The following RAD51C variants were observed in gnomAD, a reference collection of about 807,000 sequenced individuals.
The protein encoded by RAD51C is DNA repair protein RAD51 homolog 3.
Under a neutral mutation model 45.0 loss-of-function variants are expected in RAD51C, and 42 were observed. That is an observed-to-expected ratio of 0.93 (90% CI 0.73 to 1.21). The LOEUF is 1.21. Ranked by LOEUF, RAD51C falls within the 50% of genes most tolerant of loss-of-function variation. The pLI is 0.00. For synonymous variants in RAD51C, 172 were observed against 159.8 expected (o/e 1.08, Z -0.58); for missense variants, 474 against 452.2 (o/e 1.05, Z -0.44).
chr17:58,727,980 C>T (rs1039275165), intron 7 of RAD51C, among the ~76,000 whole-genome samples: 2 of 150,908 alleles, frequency 1.3e-5, no homozygotes, highest in African/African-American at 4.9e-5. Context: ...CAGTGGCTGA[C>T]ACCTGTAATC....
intron 5 of RAD51C, among the ~76,000 whole-genome samples, chr17:58,712,010 G>A (rs533421415): frequency 6.6e-6 from 1 of 151,642 alleles, no homozygotes; most frequent in Admixed American, 6.6e-5. Flanking sequence ...AGACCAGCCT[G>A]AACAACAAAG....
intron 4 of RAD51C, among the ~76,000 whole-genome samples, chr17:58,709,485 A>C (rs2048480052): frequency 6.6e-6 from 1 of 152,172 alleles, no homozygotes; most frequent in African/African-American, 2.4e-5. Flanking sequence ...TTTCCAAAAG[A>C]AAGCCATACT....
At chr17:58,694,808 C>A in intron 1 of RAD51C, 123 bp from the exon 2 acceptor site, 1 of 978,404 alleles carries the variant, frequency 1.0e-6, no homozygotes, top group Non-Finnish European at 1.6e-6. Flanking sequence ...TAGAATGTTG[C>A]ATTTTTATGT....
chr17:58,706,537 C>T (rs1268053566), intron 4 of RAD51C: 2 of 463,642 alleles, frequency 4.3e-6, no homozygotes, highest in Non-Finnish European at 4.5e-6. Flanking sequence ...GGTGGCCCTG[C>T]CCCTTCCTCT....
At chr17:58,713,925 C>G (rs1023727209) in intron 5 of RAD51C, among the ~76,000 whole-genome samples, 3 of 152,076 alleles carry the variant, frequency 2.0e-5, no homozygotes, top group Non-Finnish European at 4.4e-5. Flanking sequence ...TAGGCATGAG[C>G]CACTGTGCCC....
At chr17:58,712,344 CAAAAAAAAA>C (rs5821244) in intron 5 of RAD51C, among the ~76,000 whole-genome samples, 21 of 83,076 alleles carry the variant, frequency 2.5e-4, no homozygotes, top group Admixed American at 1.1e-3. Flanking sequence ...CACTCCATCT[CAAAAAAAAA>C]AAAAAAAAAA....
chr17:58,725,137 A>G (rs1433646927), intron 7 of RAD51C, among the ~76,000 whole-genome samples: 1 of 152,104 alleles, frequency 6.6e-6, no homozygotes, highest in Non-Finnish European at 1.5e-5. Flanking sequence ...CACAATACGT[A>G]GTGCTTTACT....
chr17:58,715,454 CAAAAAAA>C lies in RAD51C; in HGVS notation c.838-5277_838-5271del, dbSNP rs35442906. Among the ~76,000 whole-genome samples, 9 of 91,204 alleles carry C rather than the reference CAAAAAAA, an allele frequency of 9.9e-5. No individual in the cohort carries two copies. In the East Asian group the frequency reaches 3.0e-3, roughly 30 times the overall value. The allele number at this position is 91,204 out of a possible 152,430, so 59.8% of individuals were successfully genotyped here. ...GGGCAACAAGAGCGAAACTCTGTCT[CAAAAAAA>C]AAAAAAAAAAAAAACCCTTTTCATT... On this transcript the variant is annotated intron_variant, in intron 5 of 8. Transcript: ENST00000337432.
intron 8 of RAD51C, among the ~76,000 whole-genome samples, chr17:58,733,378 G>A (rs1486002095): frequency 1.3e-5 from 2 of 151,996 alleles, no homozygotes; most frequent in Non-Finnish European, 2.9e-5. Context: ...TATCCACTTA[G>A]TCTTTGCAGT....
intron 2 of RAD51C, among the ~76,000 whole-genome samples, chr17:58,695,719 A>G (rs893628758): frequency 4.6e-5 from 7 of 151,844 alleles, no homozygotes; most frequent in African/African-American, 1.7e-4. Context: ...GGGGAGGTCA[A>G]AACTGCAGTG....
At chr17:58,731,539 G>A (rs375686834) in intron 7 of RAD51C, among the ~76,000 whole-genome samples, 3 of 152,184 alleles carry the variant, frequency 2.0e-5, no homozygotes, top group Admixed American at 1.3e-4. Context: ...GATTGCAGGC[G>A]TGAGCCACCG....
chr17:58,729,363 A>G (rs970418194), intron 7 of RAD51C, among the ~76,000 whole-genome samples: 1 of 151,764 alleles, frequency 6.6e-6, no homozygotes, highest in Non-Finnish European at 1.5e-5. Context: ...GATTACAGGC[A>G]TGCACCACCA....
intron 4 of RAD51C, among the ~76,000 whole-genome samples, chr17:58,704,482 A>G (rs138378622): frequency 2.0e-5 from 3 of 150,552 alleles, no homozygotes; most frequent in Admixed American, 6.6e-5. Flanking sequence ...AGGGTTTTGC[A>G]TGTTGGCCAG....
chr17:58,699,431 A>G (rs2048135509), intron 3 of RAD51C, among the ~76,000 whole-genome samples: 1 of 151,478 alleles, frequency 6.6e-6, no homozygotes, highest in South Asian at 2.1e-4. Flanking sequence ...CCTTTAAATG[A>G]GTGTAGTCAG....
In RAD51C at chr17:58,734,932, A is replaced by G. The variant is rs2049586386; in HGVS notation, c.*710A>G. The G allele has an allele frequency of 6.6e-6, 1 of 152,136 alleles. No homozygotes were observed. The highest frequency in any genetic ancestry group is 1.5e-5 in the Non-Finnish European group (1 of 68,134). 9.4% of individuals were successfully genotyped at this position (152,136 alleles called of 1,614,324 possible). A position where few individuals can be genotyped will look rare whatever the true frequency, so the allele number is the denominator to read the frequency against. On this transcript the variant is annotated 3_prime_UTR_variant, in exon 9 of 9. Coordinates refer to ENST00000337432, the MANE Select transcript of RAD51C (RefSeq NM_058216.3). ...AATGTAAATTTGATAATTCTTTAAA[A>G]TTACCCGCTTTTATAATTATAAAAG...
At chr17:58,721,761 A>G (rs77776541) in intron 6 of RAD51C, among the ~76,000 whole-genome samples, 8 of 147,846 alleles carry the variant, frequency 5.4e-5, no homozygotes, top group Non-Finnish European at 1.2e-4. Flanking sequence ...CTCTGTCTCA[A>G]AAAAAAAAAA....
At chr17:58,734,031 T>G in intron 8 of RAD51C, 87 bp from the exon 9 acceptor site, 1 of 1,535,644 alleles carries the variant, frequency 6.5e-7, no homozygotes. Context: ...ATAAAGTAGC[T>G]TTCTTATTAG....
chr17:58,692,740 C>T lies in RAD51C; in HGVS notation c.97C>T (p.Gln33Ter), dbSNP rs587782528. 18 of 1,614,140 alleles carry T rather than the reference C, an allele frequency of 1.1e-5. No homozygotes were observed. The highest frequency in any genetic ancestry group is 2.7e-5 in the African/African-American group (2 of 74,956). ...VRVKLVSAGF[Q>*]TAEELLEVKP... is the part of the protein sequence containing the mutation. ...GGTGAAGCTGGTGTCTGCGGGGTTC[C>T]AGACTGCTGAGGAACTCCTAGAGGT... Residue 33 changes from glutamine to a stop codon, truncating the protein, a stop_gained, in exon 1 of 9, where the codon CAG becomes TAG. Coordinates refer to ENST00000337432, the MANE Select transcript of RAD51C (RefSeq NM_058216.3). LOFTEE classifies it high-confidence loss of function.
At chr17:58,732,678 C>A in intron 8 of RAD51C, 134 bp downstream of exon 8, 1 of 809,660 alleles carries the variant, frequency 1.2e-6, no homozygotes, top group Non-Finnish European at 2.1e-6. Context: ...ATGCTTAGAA[C>A]ATTGTCCCCA....
Sources: allele counts gnomAD v4.1 joint callset (sites outside exome capture counted in the v4.1 genomes callset), GRCh38; gene constraint gnomAD v4.1.1; transcripts MANE v1.5; gene names NCBI Gene and HGNC (gene_info 2026-07-23, HGNC 2026-07-21).